The following SF3B1 variants were observed in gnomAD, a reference collection of about 807,000 sequenced individuals.
The protein encoded by SF3B1 is pre-mRNA processing 10.
Under a neutral mutation model 153.8 loss-of-function variants are expected in SF3B1, and 12 were observed. The observed-to-expected ratio is 0.08, with a 90% CI of 0.05 to 0.13. SF3B1 has a LOEUF of 0.13. SF3B1 is among the 10% of genes least tolerant of loss of function. The probability of loss-of-function intolerance (pLI) is 1.00; values close to 1 mark genes in which losing one functional copy is unlikely to be tolerated. For synonymous variants in SF3B1, 498 were observed against 525.2 expected (o/e 0.95, Z 0.71); for missense variants, 513 against 1,606.1 (o/e 0.32, Z 11.63).
At chr2:197,428,984 G>A (rs915071233) in intron 1 of SF3B1, among the ~76,000 whole-genome samples, 8 of 151,940 alleles carry the variant, frequency 5.3e-5, no homozygotes, top group African/African-American at 1.5e-4. Flanking sequence ...AAAAAAAGGC[G>A]GGGGTTGGCA....
At chr2:197,420,270 G>T (rs984577569) in intron 4 of SF3B1, 158 bp downstream of exon 4, 5 of 503,842 alleles carry the variant, frequency 9.9e-6, no homozygotes, top group Non-Finnish European at 1.8e-5. Context: ...GAAGAATATG[G>T]CATCTGTGAC....
chr2:197,400,034 T>C lies in SF3B1; in HGVS notation c.3013+21A>G, dbSNP rs372630026. ...AAAGTTAAAACAAGAAAAAGTCTTA[T>C]GTAACCAGCAAATTCCATACCTATG... On this transcript the variant is annotated intron_variant, in intron 20 of 24. Transcript: ENST00000335508. This position sits in a 1 kb window ranked among gnomAD's most constrained non-coding sequence, Gnocchi z 5.0. The C allele has an allele frequency of 1.4e-6, 2 of 1,449,082 alleles. No individual in the cohort carries two copies. Among genetic ancestry groups the C allele is most frequent in the African/African-American group, 1.4e-5 (1 of 70,572 alleles). 89.8% of individuals were successfully genotyped at this position (1,449,082 alleles called of 1,614,324 possible). A position where few individuals can be genotyped will look rare whatever the true frequency, so the allele number is the denominator to read the frequency against.
intron 6 of SF3B1, among the ~76,000 whole-genome samples, chr2:197,415,708 GT>G (rs1295225429): frequency 6.6e-6 from 1 of 152,128 alleles, no homozygotes; most frequent in African/African-American, 2.4e-5. Context: ...ATATCTTTTA[GT>G]CTGCAAGTAT....
At chr2:197,419,028 T>C (rs992993609) in intron 4 of SF3B1, 9 of 1,174,446 alleles carry the variant, frequency 7.7e-6, no homozygotes, top group Non-Finnish European at 9.9e-6. Flanking sequence ...TTGCAAGCTG[T>C]TAAAATCCTG....
At chr2:197,405,241 CAATT>C in intron 10 of SF3B1, 30 bp downstream of exon 10, 12 of 1,591,976 alleles carry the variant, frequency 7.5e-6, no homozygotes, top group Non-Finnish European at 1.0e-5. Flanking sequence ...TTCTGGAACA[CAATT>C]AATAGTTTAT....
chr2:197,409,364 C>T (rs1161783011), intron 7 of SF3B1, among the ~76,000 whole-genome samples: 1 of 151,744 alleles, frequency 6.6e-6, no homozygotes, highest in Admixed American at 6.6e-5. Context: ...CGCGCCATTG[C>T]ATTCCAGTCT....
chr2:197,414,058 T>C (rs966226761), intron 6 of SF3B1, among the ~76,000 whole-genome samples: 5 of 152,180 alleles, frequency 3.3e-5, no homozygotes, highest in African/African-American at 1.2e-4. Context: ...TCCACCCACC[T>C]TGGCCTCCCA....
intron 6 of SF3B1, among the ~76,000 whole-genome samples, chr2:197,416,326 T>C (rs1351369616): frequency 6.6e-6 from 1 of 152,152 alleles, no homozygotes; most frequent in Non-Finnish European, 1.5e-5. Flanking sequence ...CCTTATTCCA[T>C]AATATGGACT....
intron 4 of SF3B1, chr2:197,419,158 G>A: frequency 2.0e-6 from 1 of 489,080 alleles, no homozygotes; most frequent in Non-Finnish European, 3.6e-6. Flanking sequence ...TTACTAAAAA[G>A]GGCTTCATGC....
chr2:197,434,822 C>T, intron 1 of SF3B1, 150 bp downstream of exon 1: 1 of 782,838 alleles, frequency 1.3e-6, no homozygotes, highest in Non-Finnish European at 2.1e-6. Flanking sequence ...CAGTGGCCTG[C>T]GCCGCTGGCG....
At chr2:197,424,931 G>C (rs1451921364) in intron 1 of SF3B1, among the ~76,000 whole-genome samples, 1 of 152,224 alleles carries the variant, frequency 6.6e-6, no homozygotes, top group Non-Finnish European at 1.5e-5. Context: ...AGGCCAAGGC[G>C]GGCGGATCAC....
chr2:197,430,272 C>T lies in SF3B1; in HGVS notation c.28+4700G>A, dbSNP rs533461602. 3.9e-5 allele frequency among the ~76,000 whole-genome samples: 6 copies of T among 152,160 alleles called. No individual in the cohort carries two copies. In the South Asian group the frequency reaches 1.2e-3, roughly 32 times the overall value. On this transcript the variant is annotated intron_variant, in intron 1 of 24. Coordinates refer to ENST00000335508, the MANE Select transcript of SF3B1 (RefSeq NM_012433.4). ...TAATCATGGTATTATCTTTTTAAGT[C>T]CCTACACAGAAATACATACTGAAAT...
chr2:197,410,618 G>C (rs1011314852), intron 6 of SF3B1, among the ~76,000 whole-genome samples: 2 of 148,674 alleles, frequency 1.3e-5, no homozygotes, highest in Non-Finnish European at 1.5e-5. Flanking sequence ...TGATTCTCCA[G>C]CCTCAGCCTC....
At chr2:197,417,001 T>C in intron 5 of SF3B1, 90 bp from the exon 6 acceptor site, 1 of 1,304,984 alleles carries the variant, frequency 7.7e-7, no homozygotes, top group Non-Finnish European at 1.1e-6. Context: ...CATCCTATTT[T>C]ATACTTTGCT....
At chr2:197,403,513 G>T in intron 12 of SF3B1, 72 bp downstream of exon 12, 2 of 1,003,700 alleles carry the variant, frequency 2.0e-6, no homozygotes, top group Non-Finnish European at 1.4e-6. Context: ...AGGAGAATAT[G>T]TAAATTTAAC....
At chr2:197,414,048 T>A (rs1192338657) in intron 6 of SF3B1, among the ~76,000 whole-genome samples, 1 of 152,104 alleles carries the variant, frequency 6.6e-6, no homozygotes, top group Non-Finnish European at 1.5e-5. Flanking sequence ...CCTCAAATGA[T>A]CCACCCACCT....
At chr2:197,398,831 A>T in intron 20 of SF3B1, 1 of 500,584 alleles carries the variant, frequency 2.0e-6, no homozygotes, top group East Asian at 4.2e-5. Flanking sequence ...ATAACAAAAA[A>T]GTTTTGTTTG....
At chr2:197,419,098 T>C (rs1052866946) in intron 4 of SF3B1, 3 of 603,432 alleles carry the variant, frequency 5.0e-6, no homozygotes, top group Non-Finnish European at 5.8e-6. Flanking sequence ...AATTGTAGTT[T>C]AGAAAATCTG....
Position 197,400,991 on chromosome 2 carries a change from A to G in SF3B1, c.2497-55T>C, listed in dbSNP as rs1360473250. The stretch of plus-strand genomic sequence containing the variant: ...TTAGACTGCTTTTCCAAGGAAATAA[A>G]GCAACATCATGAAAACCAAATACTC... On this transcript the variant is annotated intron_variant, in intron 17 of 24. Transcript: ENST00000335508. This position sits in a 1 kb window ranked among gnomAD's most constrained non-coding sequence, Gnocchi z 5.0. 1 of 1,131,106 alleles carries G rather than the reference A, an allele frequency of 8.8e-7. No homozygotes were observed. Among genetic ancestry groups the G allele is most frequent in the Non-Finnish European group, 1.3e-6 (1 of 769,802 alleles). The allele number at this position is 1,131,106 out of a possible 1,614,324, so 70.1% of individuals were successfully genotyped here. A position where few individuals can be genotyped will look rare whatever the true frequency, so the allele number is the denominator to read the frequency against.
Sources: allele counts gnomAD v4.1 joint callset (sites outside exome capture counted in the v4.1 genomes callset), GRCh38; gene constraint gnomAD v4.1.1; non-coding constraint Gnocchi (gnomAD v3.1); transcripts MANE v1.5; gene names NCBI Gene and HGNC (gene_info 2026-07-23, HGNC 2026-07-21).